The following ALK variants were observed in gnomAD, a reference collection of about 807,000 sequenced individuals.
ALK encodes ALK tyrosine kinase receptor.
Under a neutral mutation model 163.1 loss-of-function variants are expected in ALK, and 74 were observed. That is an observed-to-expected ratio of 0.45 (90% CI 0.38 to 0.55). The LOEUF is 0.55. Among genes scored for constraint, ALK ranks in the 20% least tolerant of loss-of-function variants. The pLI, the probability that ALK is intolerant of heterozygous loss-of-function variation, is 0.00. For missense variants in ALK, 2,063 were observed against 2,105.3 expected (o/e 0.98, Z 0.39); for synonymous variants, 960 against 843.2 (o/e 1.14, Z -2.40).
intron 6 of ALK, among the ~76,000 whole-genome samples, chr2:29,325,528 C>T (rs1667227938): frequency 6.6e-6 from 1 of 152,132 alleles, no homozygotes; most frequent in South Asian, 2.1e-4. Flanking sequence ...GGTAGCAGGG[C>T]CCTGGACCTC....
intron 9 of ALK, among the ~76,000 whole-genome samples, chr2:29,288,621 A>G (rs1359702392): frequency 6.6e-6 from 1 of 152,180 alleles, no homozygotes; most frequent in Non-Finnish European, 1.5e-5. Flanking sequence ...CCATGAAAGC[A>G]TGGTGTTTGG....
intron 5 of ALK, among the ~76,000 whole-genome samples, chr2:29,350,328 A>C (rs2148278806): frequency 6.6e-6 from 1 of 152,330 alleles, no homozygotes; most frequent in East Asian, 1.9e-4. Flanking sequence ...TGCATGCTGC[A>C]TGAGAATAGC....
intron 4 of ALK, among the ~76,000 whole-genome samples, chr2:29,447,051 T>A (rs529521171): frequency 6.6e-6 from 1 of 152,294 alleles, no homozygotes; most frequent in African/African-American, 2.4e-5. Context: ...GAACCAACCC[T>A]CCCCTAAGGA....
chr2:29,494,124 C>A (rs1483189930), intron 4 of ALK, among the ~76,000 whole-genome samples: 1 of 152,142 alleles, frequency 6.6e-6, no homozygotes. Context: ...GGCTTAGATC[C>A]ACCAATGTGA....
At chr2:29,886,920 A>C (rs1667000924) in intron 1 of ALK, among the ~76,000 whole-genome samples, 1 of 152,214 alleles carries the variant, frequency 6.6e-6, no homozygotes, top group South Asian at 2.1e-4. Context: ...AGGGAAGAGA[A>C]AGACTGAATG....
At chr2:29,238,971 C>T (rs1453940081) in intron 13 of ALK, among the ~76,000 whole-genome samples, 1 of 152,214 alleles carries the variant, frequency 6.6e-6, no homozygotes, top group Non-Finnish European at 1.5e-5. Context: ...GAAGGAATTA[C>T]ATTAGCACTC....
intron 1 of ALK, among the ~76,000 whole-genome samples, chr2:29,768,962 T>G (rs1187264346): frequency 6.6e-6 from 1 of 152,076 alleles, no homozygotes; most frequent in African/African-American, 2.4e-5. Flanking sequence ...GCTTCCCAAG[T>G]AGCTGTGACT....
At chr2:29,887,283 C>A (rs1208324931) in intron 1 of ALK, among the ~76,000 whole-genome samples, 1 of 152,204 alleles carries the variant, frequency 6.6e-6, no homozygotes, top group Non-Finnish European at 1.5e-5. Flanking sequence ...ATTCATATGC[C>A]TGACAATCTA....
chr2:29,769,648 C>T (rs1332197582), intron 1 of ALK, among the ~76,000 whole-genome samples: 1 of 152,184 alleles, frequency 6.6e-6, no homozygotes, highest in Non-Finnish European at 1.5e-5. Flanking sequence ...GTGGATGCAT[C>T]GCTTCCTTCA....
chr2:29,218,419 C>T (rs567775215), intron 23 of ALK, among the ~76,000 whole-genome samples: 59 of 152,250 alleles, frequency 3.9e-4, no homozygotes, highest in Non-Finnish European at 2.9e-4. Flanking sequence ...TTCTGACTCT[C>T]CGAGGGTGGC....
intron 3 of ALK, among the ~76,000 whole-genome samples, chr2:29,575,080 C>G (rs902462017): frequency 7.2e-5 from 11 of 152,130 alleles, no homozygotes; most frequent in Non-Finnish European, 1.6e-4. Context: ...TTTCTGATTG[C>G]CTCAACGTTG....
chr2:29,347,362 T>C (rs1362062133), intron 5 of ALK, among the ~76,000 whole-genome samples: 1 of 152,048 alleles, frequency 6.6e-6, no homozygotes, highest in Non-Finnish European at 1.5e-5. Context: ...ATGGAGGAGG[T>C]GAACCAACTC....
intron 4 of ALK, among the ~76,000 whole-genome samples, chr2:29,462,514 A>G (rs1036283556): frequency 6.6e-6 from 1 of 152,138 alleles, no homozygotes; most frequent in Non-Finnish European, 1.5e-5. Context: ...AGAGATTCTG[A>G]CTCACCGAAG....
At chr2:29,610,473 C>T (rs1675661605) in intron 3 of ALK, among the ~76,000 whole-genome samples, 1 of 152,100 alleles carries the variant, frequency 6.6e-6, no homozygotes, top group African/African-American at 2.4e-5. Flanking sequence ...TTCTGCTTTC[C>T]TTTCATTCGA....
chr2:29,850,318 G>A (rs1240404010), intron 1 of ALK, among the ~76,000 whole-genome samples: 2 of 152,196 alleles, frequency 1.3e-5, no homozygotes, highest in Non-Finnish European at 2.9e-5. Flanking sequence ...GCAGAGGCGG[G>A]GGCACTTCCG....
intron 1 of ALK, among the ~76,000 whole-genome samples, chr2:29,895,009 G>A (rs148699872): frequency 4.3e-4 from 65 of 152,220 alleles, no homozygotes; most frequent in African/African-American, 1.5e-3. Flanking sequence ...CATATGTCAA[G>A]TCATGTGCTC....
chr2:29,612,561 C>T (rs907933190), intron 3 of ALK, among the ~76,000 whole-genome samples: 1 of 152,164 alleles, frequency 6.6e-6, no homozygotes, highest in Admixed American at 6.5e-5. Flanking sequence ...AGAGTTCTCC[C>T]TTGAGGTCAT....
At chr2:29,774,783 A>C (rs1288924225) in intron 1 of ALK, among the ~76,000 whole-genome samples, 2 of 152,218 alleles carry the variant, frequency 1.3e-5, no homozygotes, top group Non-Finnish European at 2.9e-5. Context: ...GACACCCGTA[A>C]TTAAAGAGTT....
chr2:29,837,249 C>T (rs1273757327), intron 1 of ALK, among the ~76,000 whole-genome samples: 4 of 152,078 alleles, frequency 2.6e-5, no homozygotes, highest in Admixed American at 2.6e-4. Flanking sequence ...TGGAGAGTGA[C>T]ATCACAAAAG....
Sources: allele counts gnomAD v4.1 joint callset (sites outside exome capture counted in the v4.1 genomes callset), GRCh38; gene constraint gnomAD v4.1.1; transcripts MANE v1.5; gene names NCBI Gene and HGNC (gene_info 2026-07-23, HGNC 2026-07-21).